Variants in PRKD2 observed in about 807,000 individuals in gnomAD.
PRKD2 encodes protein kinase D2.
In PRKD2, 22 loss-of-function variants were observed where a neutral mutation model predicts 86.0. The observed-to-expected ratio is 0.26, with a 90% CI of 0.18 to 0.37. The LOEUF is 0.37. Ranked by LOEUF, PRKD2 falls within the 10% of genes least tolerant of loss-of-function variation. PRKD2 has a pLI of 1.00. For missense variants in PRKD2, 818 were observed against 1,199.2 expected (o/e 0.68, Z 4.70); for synonymous variants, 509 against 510.9 (o/e 1.00, Z 0.05).
At chr19:46,674,912 C>A (rs541586369) in intron 17 of PRKD2, 121 bp downstream of exon 17, 4 of 1,204,534 alleles carry the variant, frequency 3.3e-6, no homozygotes, top group African/African-American at 1.5e-5. Context: ...CAATGGGAGG[C>A]CTAGCCACAT....
chr19:46,684,869 A>C (rs1376222485), intron 14 of PRKD2, among the ~76,000 whole-genome samples: 2 of 151,360 alleles, frequency 1.3e-5, no homozygotes, highest in Non-Finnish European at 2.9e-5. Flanking sequence ...AGGCTGAGGC[A>C]GGAGAATCAT....
chr19:46,682,058 G>A (rs2053316062), intron 14 of PRKD2, among the ~76,000 whole-genome samples: 1 of 151,210 alleles, frequency 6.6e-6, no homozygotes. Context: ...CTGGGCTGGA[G>A]TGCAGTGGCA....
intron 3 of PRKD2, 122 bp downstream of exon 3, chr19:46,710,785 C>G (rs2053794427): frequency 9.1e-7 from 1 of 1,102,456 alleles, no homozygotes. Flanking sequence ...ACTTCCTAGG[C>G]TGCGCCCCCA....
At chr19:46,698,725 G>A (rs1449288827) in intron 7 of PRKD2, among the ~76,000 whole-genome samples, 1 of 152,214 alleles carries the variant, frequency 6.6e-6, no homozygotes, top group African/African-American at 2.4e-5. Context: ...GGAGGCAGAA[G>A]TGGGGGGATC....
chr19:46,710,759 CCTT>C, intron 3 of PRKD2, 145 bp downstream of exon 3: 2 of 939,504 alleles, frequency 2.1e-6, no homozygotes, highest in South Asian at 1.8e-5. Flanking sequence ...CTGGGCCCAT[CCTT>C]CTTCCCATTA....
chr19:46,689,116 CT>C (rs58378541), intron 14 of PRKD2: 30,222 of 109,816 alleles, frequency 0.28, 3,685 homozygotes, highest in Non-Finnish European at 0.34. Flanking sequence ...ATTATGGTTC[CT>C]TTTTTTTTTT....
chr19:46,713,304 G>A (rs981629443), intron 2 of PRKD2, among the ~76,000 whole-genome samples: 1 of 151,362 alleles, frequency 6.6e-6, no homozygotes, highest in Non-Finnish European at 1.5e-5. Flanking sequence ...TGGGATTACA[G>A]GTGTGAGCCA....
chr19:46,702,777 T>C lies in PRKD2; in HGVS notation c.889+1392A>G, dbSNP rs12460464. ...ATCATGGCTCACTGCAGCCTCAACCTCCTGGGCTCAAGCAATCCTCCCTCC... is the reference window on the plus strand; with the variant it reads ...ATCATGGCTCACTGCAGCCTCAACCCCCTGGGCTCAAGCAATCCTCCCTCC... On this transcript the variant is annotated intron_variant, in intron 5 of 17. Coordinates refer to ENST00000291281, the MANE Select transcript of PRKD2 (RefSeq NM_016457.5). 8.2e-3 allele frequency among the ~76,000 whole-genome samples: 1,240 copies of C among 152,034 alleles called. 24 individuals carry two copies. Among genetic ancestry groups the C allele is most frequent in the East Asian group, 0.054 (277 of 5,166 alleles).
chr19:46,684,088 G>C (rs1281184480), intron 14 of PRKD2, among the ~76,000 whole-genome samples: 1 of 152,104 alleles, frequency 6.6e-6, no homozygotes, highest in Non-Finnish European at 1.5e-5. Context: ...ATCTGTCTCA[G>C]AGTTTAAATA....
intron 14 of PRKD2, among the ~76,000 whole-genome samples, chr19:46,686,904 T>C (rs1389225666): frequency 2.6e-5 from 4 of 151,736 alleles, no homozygotes; most frequent in Non-Finnish European, 4.4e-5. Flanking sequence ...TGAGCCGAGA[T>C]GGTGCCACTG....
chr19:46,691,344 CCT>C (rs954704935), intron 12 of PRKD2, among the ~76,000 whole-genome samples: 1 of 151,990 alleles, frequency 6.6e-6, no homozygotes, highest in African/African-American at 2.4e-5. Flanking sequence ...CAGAATCTAC[CCT>C]CTTTTCCAAT....
At chr19:46,676,872 T>C (rs906650865) in intron 16 of PRKD2, among the ~76,000 whole-genome samples, 9 of 152,064 alleles carry the variant, frequency 5.9e-5, no homozygotes, top group African/African-American at 2.2e-4. Flanking sequence ...CCAGCCTGGC[T>C]AACATGGCGA....
At chr19:46,681,107 C>T (rs2053299440) in intron 15 of PRKD2, among the ~76,000 whole-genome samples, 2 of 150,648 alleles carry the variant, frequency 1.3e-5, no homozygotes, top group African/African-American at 4.9e-5. Flanking sequence ...GCGCACACCA[C>T]CACGCCCCGC....
rs994047511 is a variant in PRKD2, at chr19:46,676,050, C to T, written c.2339-932G>A. On this transcript the variant is annotated intron_variant, in intron 16 of 17. Transcript: ENST00000291281. The stretch of plus-strand genomic sequence containing the variant: ...CTGGGATTATGGGCTTCAGCCACTG[C>T]GCCTGACCAACTTATGATATTTTCA... Among the ~76,000 whole-genome samples, 25 of 152,286 alleles carry T rather than the reference C, an allele frequency of 1.6e-4. 1 individual carries two copies. Among genetic ancestry groups the T allele is most frequent in the Admixed American group, 5.9e-4 (9 of 15,292 alleles).
intron 6 of PRKD2, 22 bp from the exon 7 acceptor site, chr19:46,700,974 A>C (rs535101002): frequency 6.2e-7 from 1 of 1,614,210 alleles, no homozygotes; most frequent in South Asian, 1.1e-5. Context: ...GAGGCATCAG[A>C]GGGGTCTCCA....
At position 46,710,703 on chromosome 19, in the gene PRKD2, C is replaced by G. The variant is rs896483527; in HGVS notation, c.511+204G>C. The stretch of plus-strand genomic sequence containing the variant: ...CCACCTCCTAGGCTCCGCCCCTAGA[C>G]CTGAGCCCCGGCCCAGCCCCACCAC... On this transcript the variant is annotated intron_variant, in intron 3 of 17. Coordinates refer to ENST00000291281, the MANE Select transcript of PRKD2 (RefSeq NM_016457.5). 8.0e-6 allele frequency: 5 copies of G among 623,204 alleles called. No homozygotes were observed. The South Asian group carries it at 9.4e-5, about 12-fold the overall frequency. The allele number at this position is 623,204 out of a possible 1,614,324, so 38.6% of individuals were successfully genotyped here.
intron 14 of PRKD2, chr19:46,685,709 G>A (rs978805423): frequency 6.6e-6 from 1 of 152,284 alleles, no homozygotes; most frequent in Non-Finnish European, 1.5e-5. Context: ...AGCACTTCAG[G>A]AGGCTGAGGC....
chr19:46,677,241 A>G (rs1414033864), intron 16 of PRKD2: 2 of 152,430 alleles, frequency 1.3e-5, no homozygotes, highest in Non-Finnish European at 2.9e-5. Flanking sequence ...CACCCTCCAG[A>G]GAGGACCCTT....
At chr19:46,701,964 A>AG (rs1409266573) in intron 5 of PRKD2, among the ~76,000 whole-genome samples, 2 of 151,422 alleles carry the variant, frequency 1.3e-5, no homozygotes, top group African/African-American at 4.9e-5. Flanking sequence ...CCACGGTTCT[A>AG]GGGACACTAT....
Sources: gnomAD v4.1 joint callset for allele counts (sites outside exome capture counted in the v4.1 genomes callset) on GRCh38, gnomAD v4.1.1 for gene constraint, MANE v1.5 for transcripts, NCBI Gene and HGNC (gene_info 2026-07-23, HGNC 2026-07-21) for gene names.